Variants in MYO1E observed in about 807,000 individuals in gnomAD.
MYO1E encodes the protein myosin IE.
In MYO1E, 68 loss-of-function variants were observed where a neutral mutation model predicts 151.1. The observed-to-expected ratio is 0.45, with a 90% CI of 0.37 to 0.55. The LOEUF (loss-of-function observed/expected upper bound fraction) is 0.55. Among genes scored for constraint, MYO1E ranks in the 20% least tolerant of loss-of-function variants. The pLI is 0.00. For missense variants in MYO1E, 1,363 were observed against 1,389.3 expected (o/e 0.98, Z 0.30); for synonymous variants, 601 against 501.7 (o/e 1.20, Z -2.64).
intron 1 of MYO1E, among the ~76,000 whole-genome samples, chr15:59,355,718 T>C (rs1263788366): frequency 3.3e-5 from 2 of 61,396 alleles, no homozygotes; most frequent in Non-Finnish European, 5.2e-5. Context: ...TGTATTTGCC[T>C]ATTTCTTTTT....
chr15:59,143,040 C>G (rs1161760907), intron 26 of MYO1E, among the ~76,000 whole-genome samples: 1 of 151,634 alleles, frequency 6.6e-6, no homozygotes, highest in African/African-American at 2.4e-5. Flanking sequence ...TAAGGGGATG[C>G]AGGACGCAAA....
intron 1 of MYO1E, among the ~76,000 whole-genome samples, chr15:59,275,889 G>T (rs1490646781): frequency 6.6e-6 from 1 of 152,156 alleles, no homozygotes; most frequent in African/African-American, 2.4e-5. Flanking sequence ...TGCTGGGTAG[G>T]GGACAACAGA....
chr15:59,253,901 C>CTTTTTTTTTTTTTTT (rs34819314), intron 4 of MYO1E, among the ~76,000 whole-genome samples: 16 of 135,846 alleles, frequency 1.2e-4, no homozygotes, highest in South Asian at 2.4e-4. Context: ...GACAAACAAC[C>CTTTTTTTTTTTTTTT]TTTTTTTTTT....
At position 59,332,152 on chromosome 15, in the gene MYO1E, T is replaced by C. The variant is rs77802336; in HGVS notation, c.3+40346A>G. Among the ~76,000 whole-genome samples, 1,233 of 152,336 alleles carry C rather than the reference T, an allele frequency of 8.1e-3. 11 individuals carry two copies. The highest frequency in any genetic ancestry group is 0.028 in the African/African-American group (1,168 of 41,566). Reference sequence around the variant, plus strand: ...CCTAAAACAACTCTGTGAGTAGAAATAGATAATGTAGACATTATTTCCATT... The same window carrying C: ...CCTAAAACAACTCTGTGAGTAGAAACAGATAATGTAGACATTATTTCCATT... On this transcript the variant is annotated intron_variant, in intron 1 of 27. Coordinates refer to ENST00000288235, the MANE Select transcript of MYO1E (RefSeq NM_004998.4).
At chr15:59,357,550 G>C (rs968125284) in intron 1 of MYO1E, among the ~76,000 whole-genome samples, 1 of 151,362 alleles carries the variant, frequency 6.6e-6, no homozygotes, top group Non-Finnish European at 1.5e-5. Flanking sequence ...TCAGCCTCCC[G>C]AGTAGCTAGG....
chr15:59,225,177 T>C (rs941381030), intron 7 of MYO1E, among the ~76,000 whole-genome samples: 2 of 152,210 alleles, frequency 1.3e-5, no homozygotes, highest in East Asian at 3.8e-4. Flanking sequence ...GCAGGGTGCA[T>C]GTTAAAAAAC....
chr15:59,171,435 C>G (rs193265695), intron 22 of MYO1E, among the ~76,000 whole-genome samples: 1 of 152,166 alleles, frequency 6.6e-6, no homozygotes, highest in Non-Finnish European at 1.5e-5. Context: ...TCCAGGGCTA[C>G]AGAGAATGGA....
intron 1 of MYO1E, among the ~76,000 whole-genome samples, chr15:59,307,348 G>A (rs1215464682): frequency 1.3e-5 from 2 of 152,170 alleles, no homozygotes; most frequent in African/African-American, 4.8e-5. Flanking sequence ...CCGCACAGTC[G>A]TTTTCTATTG....
At chr15:59,274,789 T>G (rs1283398995) in intron 1 of MYO1E, among the ~76,000 whole-genome samples, 6 of 152,154 alleles carry the variant, frequency 3.9e-5, no homozygotes, top group Non-Finnish European at 5.9e-5. Flanking sequence ...CAGAGGCTGT[T>G]TCCTCCTTTT....
chr15:59,362,594 A>T (rs1422037866), intron 1 of MYO1E, among the ~76,000 whole-genome samples: 1 of 152,266 alleles, frequency 6.6e-6, no homozygotes, highest in Non-Finnish European at 1.5e-5. Context: ...CAAGCCTTGA[A>T]GGAAGCTATC....
chr15:59,189,556 G>A (rs1252279718), intron 17 of MYO1E, among the ~76,000 whole-genome samples: 9 of 151,400 alleles, frequency 5.9e-5, no homozygotes, highest in African/African-American at 2.2e-4. Flanking sequence ...CCAGGCTGGA[G>A]TGCAGTGGCA....
chr15:59,236,381 CACA>C (rs2080065514), intron 5 of MYO1E, among the ~76,000 whole-genome samples: 1 of 87,202 alleles, frequency 1.1e-5, no homozygotes, highest in Non-Finnish European at 2.7e-5. Context: ...CACACACACA[CACA>C]CACACACACA....
At chr15:59,143,260 TA>T (rs1222087489) in intron 26 of MYO1E, among the ~76,000 whole-genome samples, 5 of 152,142 alleles carry the variant, frequency 3.3e-5, no homozygotes, top group Non-Finnish European at 7.3e-5. Flanking sequence ...GGGTTCCTAG[TA>T]ACTCCACAGG....
intron 16 of MYO1E, among the ~76,000 whole-genome samples, chr15:59,195,951 T>C (rs1252462101): frequency 6.6e-6 from 1 of 152,220 alleles, no homozygotes; most frequent in Non-Finnish European, 1.5e-5. Flanking sequence ...CCTTTGAAGA[T>C]ATATTGTTCT....
At chr15:59,183,200 A>G (rs1471722717) in intron 18 of MYO1E, among the ~76,000 whole-genome samples, 3 of 152,096 alleles carry the variant, frequency 2.0e-5, no homozygotes, top group Non-Finnish European at 4.4e-5. Context: ...CTCTCCTGAG[A>G]TGGCAGCACT....
At chr15:59,263,387 G>C (rs1244116275) in intron 2 of MYO1E, among the ~76,000 whole-genome samples, 1 of 152,002 alleles carries the variant, frequency 6.6e-6, no homozygotes, top group East Asian at 1.9e-4. Context: ...TATCCTCTAA[G>C]GCACATGTTT....
In MYO1E at chr15:59,251,893, T is replaced by C. The variant is rs74554611; in HGVS notation, c.332+4391A>G. On this transcript the variant is annotated intron_variant, in intron 4 of 27. Transcript: ENST00000288235. ...TGAAACCCAGTATTTTGACTGCAAA[T>C]ATTGGATATTTGGACAAAAACCAGA... 5.2e-3 allele frequency among the ~76,000 whole-genome samples: 794 copies of C among 152,362 alleles called. 4 individuals carry two copies. Among genetic ancestry groups the C allele is most frequent in the Non-Finnish European group, 8.7e-3 (594 of 68,036 alleles).
At chr15:59,187,838 C>T (rs2079707880) in intron 18 of MYO1E, among the ~76,000 whole-genome samples, 1 of 152,186 alleles carries the variant, frequency 6.6e-6, no homozygotes, top group Admixed American at 6.5e-5. Flanking sequence ...TATATGATTC[C>T]ATTGCTATGA....
intron 1 of MYO1E, among the ~76,000 whole-genome samples, chr15:59,283,037 G>A (rs1396765018): frequency 2.1e-5 from 3 of 144,652 alleles, no homozygotes; most frequent in African/African-American, 7.6e-5. Flanking sequence ...AGATGCTCAG[G>A]GCATCCATCC....
Sources: gnomAD v4.1 joint callset for allele counts (sites outside exome capture counted in the v4.1 genomes callset) on GRCh38, gnomAD v4.1.1 for gene constraint, MANE v1.5 for transcripts, NCBI Gene and HGNC (gene_info 2026-07-23, HGNC 2026-07-21) for gene names.